Variants in GRID1 observed in about 807,000 individuals in gnomAD.
GRID1 encodes glutamate receptor ionotropic, delta-1.
Under a neutral mutation model 98.0 loss-of-function variants are expected in GRID1, and 28 were observed. The ratio of observed to expected loss-of-function variants is 0.29; its 90% CI spans 0.21 to 0.39. The LOEUF (loss-of-function observed/expected upper bound fraction) is 0.39, where lower values mean the gene tolerates loss of function less well. Ranked by LOEUF, GRID1 falls within the 10% of genes least tolerant of loss-of-function variation. The pLI is 1.00. For synonymous variants in GRID1, 553 were observed against 538.5 expected, an observed-to-expected ratio of 1.03 and a Z score of -0.37; for missense variants, 1,111 against 1,340.5, an observed-to-expected ratio of 0.83 and a Z score of 2.67.
intron 2 of GRID1, among the ~76,000 whole-genome samples, chr10:86,230,243 C>CTG (rs1846429433): frequency 2.0e-5 from 3 of 152,220 alleles, no homozygotes; most frequent in African/African-American, 4.8e-5. Flanking sequence ...CCACCCTACC[C>CTG]CAACCCAGAC....
chr10:86,083,130 C>T (rs1844000788), intron 4 of GRID1, among the ~76,000 whole-genome samples: 1 of 152,220 alleles, frequency 6.6e-6, no homozygotes, highest in African/African-American at 2.4e-5. Context: ...ACTGAAATGT[C>T]ACGTGGCCTG....
intron 4 of GRID1, among the ~76,000 whole-genome samples, chr10:85,937,786 T>A (rs1230070726): frequency 2.0e-5 from 3 of 152,072 alleles, no homozygotes; most frequent in Non-Finnish European, 4.4e-5. Flanking sequence ...TGGGTAGAGG[T>A]CAGGAAGGCT....
At chr10:86,151,953 G>T (rs1218631959) in intron 3 of GRID1, among the ~76,000 whole-genome samples, 1 of 152,208 alleles carries the variant, frequency 6.6e-6, no homozygotes, top group Non-Finnish European at 1.5e-5. Context: ...GCCCAACCAG[G>T]CCATGCCCTA....
At chr10:85,726,057 A>G (rs900390142) in intron 10 of GRID1, among the ~76,000 whole-genome samples, 1 of 152,230 alleles carries the variant, frequency 6.6e-6, no homozygotes, top group Non-Finnish European at 1.5e-5. Flanking sequence ...AAAGGAATCA[A>G]CTCATGACAC....
At chr10:86,042,712 C>T (rs745369457) in intron 4 of GRID1, among the ~76,000 whole-genome samples, 1 of 152,180 alleles carries the variant, frequency 6.6e-6, no homozygotes, top group Non-Finnish European at 1.5e-5. Flanking sequence ...GTACTCAGAG[C>T]ATCTTCATCT....
chr10:85,666,807 G>A (rs1841023461), intron 12 of GRID1, among the ~76,000 whole-genome samples: 2 of 152,128 alleles, frequency 1.3e-5, no homozygotes, highest in Admixed American at 1.3e-4. Context: ...GCCTACCCAA[G>A]CTGGCTCCTC....
At chr10:85,989,212 G>C (rs532072679) in intron 4 of GRID1, among the ~76,000 whole-genome samples, 1 of 152,320 alleles carries the variant, frequency 6.6e-6, no homozygotes, top group African/African-American at 2.4e-5. Flanking sequence ...CTTTGGACAG[G>C]TTGTTTGGCA....
At chr10:86,187,627 G>T (rs1339034130) in intron 3 of GRID1, among the ~76,000 whole-genome samples, 1 of 152,228 alleles carries the variant, frequency 6.6e-6, no homozygotes, top group Non-Finnish European at 1.5e-5. Context: ...CTTGGCATCT[G>T]TGCAAGCTGA....
intron 8 of GRID1, among the ~76,000 whole-genome samples, chr10:85,738,881 C>T (rs1226482685): frequency 3.9e-5 from 6 of 152,074 alleles, no homozygotes; most frequent in Non-Finnish European, 5.9e-5. Context: ...GAAGGTGGGA[C>T]ATTTGGGGCT....
intron 2 of GRID1, among the ~76,000 whole-genome samples, chr10:86,234,720 G>A (rs1050220871): frequency 2.0e-5 from 3 of 152,166 alleles, no homozygotes; most frequent in Non-Finnish European, 4.4e-5. Flanking sequence ...CAAGCATCAG[G>A]CTTGTTTTCT....
At chr10:86,142,651 G>A (rs932031222) in intron 3 of GRID1, among the ~76,000 whole-genome samples, 1 of 152,214 alleles carries the variant, frequency 6.6e-6, no homozygotes, top group Admixed American at 6.5e-5. Flanking sequence ...CTTTAAAATG[G>A]CAGAGACTGG....
At chr10:86,052,144 C>CTT (rs1843510735) in intron 4 of GRID1, among the ~76,000 whole-genome samples, 1 of 152,034 alleles carries the variant, frequency 6.6e-6, no homozygotes, top group African/African-American at 2.4e-5. Context: ...GGAAATACCT[C>CTT]TTAAGACGTG....
At chr10:86,197,440 C>A (rs1285439127) in intron 3 of GRID1, among the ~76,000 whole-genome samples, 1 of 152,100 alleles carries the variant, frequency 6.6e-6, no homozygotes, top group Non-Finnish European at 1.5e-5. Flanking sequence ...CTCGCTGGTA[C>A]CCTTCCTGGA....
chr10:86,074,120 C>T (rs562716460), intron 4 of GRID1, among the ~76,000 whole-genome samples: 2 of 146,832 alleles, frequency 1.4e-5, no homozygotes, highest in South Asian at 2.1e-4. Context: ...TTCTTACGTG[C>T]GCAAATGTAT....
chr10:86,091,476 G>A (rs1487770447), intron 4 of GRID1, among the ~76,000 whole-genome samples: 1 of 151,988 alleles, frequency 6.6e-6, no homozygotes, highest in Non-Finnish European at 1.5e-5. Flanking sequence ...AGCAGCCACA[G>A]CAAGACTGGC....
intron 10 of GRID1, among the ~76,000 whole-genome samples, chr10:85,727,377 G>A (rs897154499): frequency 6.6e-6 from 1 of 152,196 alleles, no homozygotes; most frequent in African/African-American, 2.4e-5. Context: ...AGTTTCTACG[G>A]GAGGGAAGAA....
chr10:85,680,998 C>T (rs1369214693), intron 12 of GRID1, among the ~76,000 whole-genome samples: 1 of 152,126 alleles, frequency 6.6e-6, no homozygotes, highest in East Asian at 1.9e-4. Flanking sequence ...TGGCACGGGG[C>T]TGAGGGAGGA....
chr10:86,238,541 A>G (rs547113120), intron 2 of GRID1, among the ~76,000 whole-genome samples: 62 of 152,190 alleles, frequency 4.1e-4, no homozygotes, highest in African/African-American at 1.4e-3. Flanking sequence ...ATGGTGGCAC[A>G]TGCCTATAGT....
rs1165353627 is a variant in GRID1, at chr10:85,725,038, A to G, written c.1534-362T>C. The stretch of plus-strand genomic sequence containing the variant: ...CCTATGTTTCCCTCTACCCTCCACC[A>G]AGAAGGCCCTTCTATCTTCTAGGCC... On this transcript the variant is annotated intron_variant, in intron 10 of 15. Coordinates refer to ENST00000327946, the MANE Select transcript of GRID1 (RefSeq NM_017551.3). Among the ~76,000 whole-genome samples, 4 of 151,930 alleles carry G rather than the reference A, an allele frequency of 2.6e-5. No homozygotes were observed. In the East Asian group the frequency reaches 7.7e-4, roughly 29 times the overall value.
Sources: gnomAD v4.1 joint callset for allele counts (sites outside exome capture counted in the v4.1 genomes callset) on GRCh38, gnomAD v4.1.1 for gene constraint, MANE v1.5 for transcripts, NCBI Gene and HGNC (gene_info 2026-07-23, HGNC 2026-07-21) for gene names.